TACR3: variants seen among roughly 807,000 people sequenced by gnomAD.
TACR3 encodes the protein neuromedin-K receptor.
Under a neutral mutation model 35.0 loss-of-function variants are expected in TACR3, and 34 were observed. The observed-to-expected ratio is 0.97, with a 90% CI of 0.74 to 1.30. The LOEUF (loss-of-function observed/expected upper bound fraction) is 1.30, where lower values mean the gene tolerates loss of function less well. Among genes scored for constraint, TACR3 ranks in the 50% most tolerant of loss-of-function variants. The probability of loss-of-function intolerance (pLI) is 0.00; values close to 1 mark genes in which losing one functional copy is unlikely to be tolerated. For missense variants in TACR3, 558 were observed against 591.7 expected (o/e 0.94, Z 0.59); for synonymous variants, 233 against 221.1 (o/e 1.05, Z -0.48).
rs544852280 is a variant in TACR3, at chr4:103,610,854, A to G, written c.889-19171T>C. Among the ~76,000 whole-genome samples, 52 of 152,156 alleles carry G rather than the reference A, an allele frequency of 3.4e-4. No homozygotes were observed. The South Asian group carries it at 0.011, about 32-fold the overall frequency. ...TCCATCCATCTGCATATGCATAACC[A>G]GTTTTCCTAGCCCCATTTAGGGGCT... On this transcript the variant is annotated intron_variant, in intron 3 of 4. Transcript: ENST00000304883.
At chr4:103,698,902 T>C (rs1374552184) in intron 1 of TACR3, among the ~76,000 whole-genome samples, 1 of 152,168 alleles carries the variant, frequency 6.6e-6, no homozygotes, top group African/African-American at 2.4e-5. Flanking sequence ...AAACATCACA[T>C]GTACCCCCCA....
intron 1 of TACR3, among the ~76,000 whole-genome samples, chr4:103,701,271 C>A (rs1194564740): frequency 2.0e-5 from 3 of 151,548 alleles, no homozygotes; most frequent in Admixed American, 6.6e-5. Flanking sequence ...AAACAGAGAG[C>A]CAAATCATGA....
intron 1 of TACR3, among the ~76,000 whole-genome samples, chr4:103,702,422 G>C (rs940526842): frequency 9.2e-5 from 14 of 152,170 alleles, no homozygotes; most frequent in Non-Finnish European, 1.9e-4. Context: ...AGGGAATATA[G>C]AGAAATAGGA....
At chr4:103,682,106 G>T (rs139189016) in intron 1 of TACR3, among the ~76,000 whole-genome samples, 2 of 151,958 alleles carry the variant, frequency 1.3e-5, no homozygotes, top group Non-Finnish European at 2.9e-5. Context: ...TCTTATTCTG[G>T]TCTGTAAAAC....
At position 103,701,664 on chromosome 4, in the gene TACR3, A is replaced by C. The variant is rs932126831; in HGVS notation, c.548+17464T>G. Among the ~76,000 whole-genome samples, 3 of 152,244 alleles carry C rather than the reference A, an allele frequency of 2.0e-5. 1 individual carries two copies. In the South Asian group the frequency reaches 6.2e-4, roughly 32 times the overall value. ...ACTTCGAACTATACTACAAGGCTAC[A>C]GTAACCAAAACAGCATGGTACTGGT... On this transcript the variant is annotated intron_variant, in intron 1 of 4. Coordinates refer to ENST00000304883, the MANE Select transcript of TACR3 (RefSeq NM_001059.3).
chr4:103,679,573 C>G (rs929125449), intron 1 of TACR3, among the ~76,000 whole-genome samples: 3 of 151,872 alleles, frequency 2.0e-5, no homozygotes, highest in Admixed American at 1.3e-4. Context: ...CAATAACAAC[C>G]CTTTGTGGAG....
intron 1 of TACR3, among the ~76,000 whole-genome samples, chr4:103,694,046 T>C (rs1014379521): frequency 2.6e-5 from 4 of 152,124 alleles, no homozygotes; most frequent in African/African-American, 9.7e-5. Flanking sequence ...GTAGTTTAGG[T>C]TCAAAACACA....
At chr4:103,678,862 T>C (rs538418848) in intron 1 of TACR3, among the ~76,000 whole-genome samples, 1 of 151,942 alleles carries the variant, frequency 6.6e-6, no homozygotes, top group East Asian at 1.9e-4. Flanking sequence ...ATTTTAATAA[T>C]CTTTTCTCTT....
intron 1 of TACR3, among the ~76,000 whole-genome samples, chr4:103,713,376 A>G (rs145854124): frequency 0.12 from 17,519 of 150,812 alleles, 1,315 homozygotes; most frequent in East Asian, 0.37. Context: ...GCAATGACAA[A>G]AAACCAAACA....
intron 3 of TACR3, among the ~76,000 whole-genome samples, chr4:103,641,381 A>T (rs2110319835): frequency 6.6e-6 from 1 of 152,116 alleles, no homozygotes; most frequent in African/African-American, 2.4e-5. Context: ...AAAATGTTCA[A>T]CAGTACTAAT....
chr4:103,639,476 G>A (rs1301044536), intron 3 of TACR3, among the ~76,000 whole-genome samples: 1 of 151,994 alleles, frequency 6.6e-6, no homozygotes, highest in Non-Finnish European at 1.5e-5. Flanking sequence ...AGCATTGGAA[G>A]ATATACCTAG....
At chr4:103,712,368 T>C (rs1304788761) in intron 1 of TACR3, among the ~76,000 whole-genome samples, 1 of 152,128 alleles carries the variant, frequency 6.6e-6, no homozygotes, top group South Asian at 2.1e-4. Flanking sequence ...AAACAAGAAA[T>C]GGGGAAAGGA....
At chr4:103,710,283 A>G (rs1722912738) in intron 1 of TACR3, among the ~76,000 whole-genome samples, 1 of 152,208 alleles carries the variant, frequency 6.6e-6, no homozygotes, top group Non-Finnish European at 1.5e-5. Flanking sequence ...CAAATATAAA[A>G]GAACAGAAAT....
chr4:103,654,301 T>A (rs1282593914), intron 3 of TACR3, among the ~76,000 whole-genome samples: 3 of 151,582 alleles, frequency 2.0e-5, no homozygotes, highest in Non-Finnish European at 2.9e-5. Context: ...CCAACCCAAA[T>A]GTCCAACAAC....
chr4:103,671,474 T>A (rs1214721827), intron 1 of TACR3, among the ~76,000 whole-genome samples: 1 of 151,948 alleles, frequency 6.6e-6, no homozygotes, highest in Non-Finnish European at 1.5e-5. Context: ...TACATAATAT[T>A]GGGCTATTTA....
At chr4:103,686,515 T>C (rs934938178) in intron 1 of TACR3, among the ~76,000 whole-genome samples, 9 of 151,926 alleles carry the variant, frequency 5.9e-5, no homozygotes, top group Non-Finnish European at 1.2e-4. Flanking sequence ...ACTAAATAAA[T>C]AAACAACAAA....
intron 3 of TACR3, among the ~76,000 whole-genome samples, chr4:103,596,497 G>C (rs1167773316): frequency 6.6e-6 from 1 of 152,080 alleles, no homozygotes; most frequent in Non-Finnish European, 1.5e-5. Context: ...TTGTCTGTTG[G>C]TACAGGATTG....
intron 1 of TACR3, among the ~76,000 whole-genome samples, chr4:103,707,735 G>A (rs141339768): frequency 0.045 from 6,875 of 152,118 alleles, 513 homozygotes; most frequent in African/African-American, 0.16. Context: ...AAGGGGTCAG[G>A]GAAGTCCCTT....
intron 3 of TACR3, among the ~76,000 whole-genome samples, chr4:103,598,892 C>T (rs551865203): frequency 6.6e-6 from 1 of 152,246 alleles, no homozygotes; most frequent in South Asian, 2.1e-4. Context: ...TAGCATGATG[C>T]CTCCAGCTTT....
Sources: allele counts gnomAD v4.1 joint callset (sites outside exome capture counted in the v4.1 genomes callset), GRCh38; gene constraint gnomAD v4.1.1; transcripts MANE v1.5; gene names NCBI Gene and HGNC (gene_info 2026-07-23, HGNC 2026-07-21).